Variants in ANKRD28 observed in about 807,000 individuals in gnomAD.
ANKRD28 encodes ankyrin repeat domain 28, also known as serine/threonine-protein phosphatase 6 regulatory ankyrin repeat subunit A.
A neutral mutation model predicts 126.5 loss-of-function variants in ANKRD28; 44 were observed. The ratio of observed to expected loss-of-function variants is 0.35; its 90% confidence interval spans 0.27 to 0.45. ANKRD28 has a LOEUF of 0.45. Among genes scored for constraint, ANKRD28 ranks in the 20% least tolerant of loss-of-function variants. The probability of loss-of-function intolerance (pLI) is 1.00; values close to 1 mark genes in which losing one functional copy is unlikely to be tolerated. For synonymous variants in ANKRD28, 442 were observed against 468.5 expected (o/e 0.94, Z 0.73); for missense variants, 1,110 against 1,316.6 (o/e 0.84, Z 2.43).
At chr3:15,692,303 G>C (rs1575176533) in intron 17 of ANKRD28, among the ~76,000 whole-genome samples, 1 of 152,116 alleles carries the variant, frequency 6.6e-6, no homozygotes, top group South Asian at 2.1e-4. Flanking sequence ...TAAAGAATTA[G>C]TCGGGAATGG....
rs778007564 is a variant in ANKRD28 at position 15,766,355 on chromosome 3, A to T, written c.202-43T>A. ...GGTGGGAAATAAGTTTTAAAATAAG[A>T]TTAATTTTAATAATAGTTTTAATAA... On this transcript the variant is annotated intron_variant, in intron 2 of 27. Coordinates refer to ENST00000683139, the MANE Select transcript of ANKRD28 (RefSeq NM_001349278.2). The T allele has an allele frequency of 1.5e-5, 21 of 1,375,878 alleles. 1 individual carries two copies. In the Admixed American group the frequency reaches 3.9e-4, roughly 26 times the overall value. The allele number at this position is 1,375,878 out of a possible 1,614,324, so 85.2% of individuals were successfully genotyped here.
At chr3:15,759,458 G>T (rs1237203904) in intron 3 of ANKRD28, among the ~76,000 whole-genome samples, 1 of 152,042 alleles carries the variant, frequency 6.6e-6, no homozygotes, top group Non-Finnish European at 1.5e-5. Flanking sequence ...GTGGACTCTA[G>T]TATTACTATA....
At chr3:15,737,305 C>A in intron 4 of ANKRD28, 72 bp from the exon 5 acceptor site, 2 of 1,268,930 alleles carry the variant, frequency 1.6e-6, no homozygotes, top group Non-Finnish European at 2.2e-6. Context: ...ATATAGTGTG[C>A]GTGTGTGTGT....
At chr3:15,850,205 ATATATATAT>A (rs1384776060) in intron 1 of ANKRD28, among the ~76,000 whole-genome samples, 18 of 24,388 alleles carry the variant, frequency 7.4e-4, no homozygotes, top group Non-Finnish European at 1.4e-3. Context: ...AAAAAAAAAA[ATATATATAT>A]ATATATATAT....
chr3:15,751,565 C>G (rs114288710), intron 4 of ANKRD28, among the ~76,000 whole-genome samples, 185 bp downstream of exon 4: 9 of 152,058 alleles, frequency 5.9e-5, no homozygotes, highest in Non-Finnish European at 1.2e-4. Flanking sequence ...CTGCAAGAGG[C>G]CTTATAAACA....
intron 2 of ANKRD28, among the ~76,000 whole-genome samples, chr3:15,775,028 C>CTCCCCAGTAGCTGGG (rs1375049617): frequency 6.6e-6 from 1 of 152,194 alleles, no homozygotes; most frequent in South Asian, 2.1e-4. Context: ...AGGTGCCCAC[C>CTCCCCAGTAGCTGGG]ACCACGCCTG....
At chr3:15,819,875 G>C (rs1260256497) in intron 1 of ANKRD28, among the ~76,000 whole-genome samples, 2 of 152,268 alleles carry the variant, frequency 1.3e-5, no homozygotes, top group Non-Finnish European at 1.5e-5. Flanking sequence ...CTAATTCAGA[G>C]CTAAGGTTTA....
At chr3:15,702,971 A>T (rs994190648) in intron 14 of ANKRD28, among the ~76,000 whole-genome samples, 1 of 152,212 alleles carries the variant, frequency 6.6e-6, no homozygotes, top group Non-Finnish European at 1.5e-5. Context: ...TTAGACTAGT[A>T]TCTCCATTTC....
At chr3:15,826,218 T>C (rs1244768974) in intron 1 of ANKRD28, among the ~76,000 whole-genome samples, 2 of 152,232 alleles carry the variant, frequency 1.3e-5, no homozygotes, top group East Asian at 1.9e-4. Flanking sequence ...GCAGTTTATT[T>C]GTATCAGATA....
At chr3:15,808,621 C>A (rs1206381401) in intron 1 of ANKRD28, among the ~76,000 whole-genome samples, 2 of 152,174 alleles carry the variant, frequency 1.3e-5, no homozygotes, top group Non-Finnish European at 2.9e-5. Flanking sequence ...AAGGTTCATT[C>A]AAGACTGTAT....
Position 15,690,105 on chromosome 3 carries a change from A to G in ANKRD28, c.1877T>C (p.Val626Ala). The G allele has an allele frequency of 6.2e-7, 1 of 1,612,296 alleles. No individual in the cohort carries two copies. The part of the protein sequence containing the change: ...PLDLAAFKGH[V>A]ECVDVLINQG... ...ATTAATGAGTACATCCACACATTCA[A>G]CATGGCCCTTAAAAGCTGCAAGATC... Residue 626 changes from valine (V) to alanine (A), a missense_variant, in exon 18 of 28, where the codon GTT becomes GCT. Physicochemically the swap from Val to Ala is moderately conservative, Grantham distance 64. Coordinates refer to ENST00000683139, the MANE Select transcript of ANKRD28 (RefSeq NM_001349278.2).
intron 6 of ANKRD28, among the ~76,000 whole-genome samples, chr3:15,727,314 C>T (rs564604781): frequency 2.8e-4 from 43 of 152,110 alleles, no homozygotes; most frequent in African/African-American, 8.2e-4. Flanking sequence ...CGGTGCCTCA[C>T]GCCTGTAATC....
intron 1 of ANKRD28, among the ~76,000 whole-genome samples, chr3:15,841,765 G>C (rs1461706426): frequency 6.6e-6 from 1 of 152,146 alleles, no homozygotes; most frequent in African/African-American, 2.4e-5. Context: ...TTATCCAAAA[G>C]TCAGACAATA....
At chr3:15,844,721 C>T (rs1186988570) in intron 1 of ANKRD28, among the ~76,000 whole-genome samples, 2 of 152,020 alleles carry the variant, frequency 1.3e-5, no homozygotes, top group African/African-American at 4.8e-5. Flanking sequence ...AATAGTTAAA[C>T]AGTCACTGCA....
chr3:15,827,790 A>C (rs1283758629), intron 1 of ANKRD28, among the ~76,000 whole-genome samples: 1 of 152,210 alleles, frequency 6.6e-6, no homozygotes, highest in East Asian at 1.9e-4. Flanking sequence ...CTATCAACAG[A>C]GTGAAAAGGC....
At chr3:15,712,881 T>C (rs2072506890) in intron 10 of ANKRD28, among the ~76,000 whole-genome samples, 1 of 152,102 alleles carries the variant, frequency 6.6e-6, no homozygotes, top group African/African-American at 2.4e-5. Flanking sequence ...ACAAAACAGA[T>C]AGGTGCAGTA....
At chr3:15,851,654 T>C (rs1428883125) in intron 1 of ANKRD28, among the ~76,000 whole-genome samples, 1 of 152,068 alleles carries the variant, frequency 6.6e-6, no homozygotes, top group Non-Finnish European at 1.5e-5. Context: ...ACGAGTAGTA[T>C]TGAGGATGTG....
At chr3:15,828,317 T>C (rs1249129626) in intron 1 of ANKRD28, among the ~76,000 whole-genome samples, 1 of 152,122 alleles carries the variant, frequency 6.6e-6, no homozygotes, top group African/African-American at 2.4e-5. Context: ...AACATGAAGT[T>C]AGGGCTGGAC....
intron 1 of ANKRD28, among the ~76,000 whole-genome samples, chr3:15,850,889 T>C (rs1346738422): frequency 2.0e-5 from 3 of 152,210 alleles, no homozygotes; most frequent in East Asian, 1.9e-4. Flanking sequence ...ACTTGGGGCT[T>C]GCAACTGGCA....
Sources: gnomAD v4.1 joint callset for allele counts (sites outside exome capture counted in the v4.1 genomes callset) on GRCh38, gnomAD v4.1.1 for gene constraint, MANE v1.5 for transcripts, NCBI Gene and HGNC (gene_info 2026-07-23, HGNC 2026-07-21) for gene names.